The following GDPD4 variants were observed in gnomAD, a reference collection of about 807,000 sequenced individuals.
GDPD4 encodes glycerophosphodiester phosphodiesterase 6.
A neutral mutation model predicts 67.8 loss-of-function variants in GDPD4; 60 were observed. The ratio of observed to expected loss-of-function variants is 0.88; its 90% CI spans 0.72 to 1.10. GDPD4 has a LOEUF of 1.10. GDPD4 is among the 50% of genes least tolerant of loss of function. GDPD4 has a pLI of 0.00. For synonymous variants in GDPD4, 212 were observed against 210.9 expected (o/e 1.00, Z -0.04); for missense variants, 623 against 613.9 (o/e 1.01, Z -0.16).
At chr11:77,257,290 A>T (rs1959019767) in intron 11 of GDPD4, among the ~76,000 whole-genome samples, 1 of 152,208 alleles carries the variant, frequency 6.6e-6, no homozygotes, top group African/African-American at 2.4e-5. Context: ...TCCTAGTCAT[A>T]AAATAAGCTA....
At position 77,245,245 on chromosome 11, in the gene GDPD4, T is replaced by G. The variant is rs775004469; in HGVS notation, c.1086+36A>C. ...GTGCTCCTAGGACATGCTACCCACC[T>G]CCCAACCTATGTCATAAATACTGAG... On this transcript the variant is annotated intron_variant, in intron 12 of 16. Coordinates refer to ENST00000315938, the MANE Select transcript of GDPD4 (RefSeq NM_182833.3). The G allele has an allele frequency of 2.1e-5, 32 of 1,548,804 alleles. 2 individuals are homozygous for G. The highest frequency in any genetic ancestry group is 3.4e-4 in the Middle Eastern group (2 of 5,930).
At chr11:77,295,799 CAA>C (rs1937934316) in intron 1 of GDPD4, among the ~76,000 whole-genome samples, 1 of 152,238 alleles carries the variant, frequency 6.6e-6, no homozygotes, top group Admixed American at 6.5e-5. Context: ...TTCTAGTCTT[CAA>C]AAGACATTCC....
chr11:77,290,035 T>G (rs1457967041), intron 1 of GDPD4, among the ~76,000 whole-genome samples: 1 of 152,092 alleles, frequency 6.6e-6, no homozygotes, highest in Non-Finnish European at 1.5e-5. Flanking sequence ...GGTTCAGACA[T>G]CCAGATAGTG....
At chr11:77,297,060 C>CAAAA (rs538534637) in intron 1 of GDPD4, among the ~76,000 whole-genome samples, 1 of 116,618 alleles carries the variant, frequency 8.6e-6, no homozygotes. Context: ...TCAAAAAAAA[C>CAAAA]AAAAAAAAAA....
Position 77,233,148 on chromosome 11 carries a change from A to G in GDPD4, c.1266T>C (p.His422=). 1 of 1,614,000 alleles carries G rather than the reference A, an allele frequency of 6.2e-7. No individual in the cohort carries two copies. Among genetic ancestry groups the G allele is most frequent in the Non-Finnish European group, 8.5e-7 (1 of 1,179,870 alleles). Residue 422 remains histidine (H), a synonymous_variant, in exon 14 of 17, where the codon CAT becomes CAC. Coordinates refer to ENST00000315938, the MANE Select transcript of GDPD4 (RefSeq NM_182833.3). ...GLRDYKAANI[H]INVYTVNEPW... is the part of the protein sequence containing the mutation. ...GCTCATTGACGGTGTATACGTTGAT[A>G]TGGATGTTAGCTGCTTTATAATCTC... is the stretch of plus-strand genomic sequence containing the variant.
intron 13 of GDPD4, among the ~76,000 whole-genome samples, chr11:77,243,275 C>T (rs918527543): frequency 3.3e-5 from 5 of 152,058 alleles, no homozygotes; most frequent in South Asian, 2.1e-4. Flanking sequence ...CTTAATTATC[C>T]GTTCCAGAAA....
At chr11:77,242,113 A>G (rs1193250814) in intron 13 of GDPD4, among the ~76,000 whole-genome samples, 1 of 152,058 alleles carries the variant, frequency 6.6e-6, no homozygotes, top group African/African-American at 2.4e-5. Context: ...TTTGAGATCT[A>G]TTGCACAGCA....
At chr11:77,234,965 C>T (rs895356116) in intron 13 of GDPD4, among the ~76,000 whole-genome samples, 1 of 146,764 alleles carries the variant, frequency 6.8e-6, no homozygotes, top group African/African-American at 2.5e-5. Flanking sequence ...TTCCCACCAA[C>T]AGTGTCTAAG....
chr11:77,271,197 G>A lies in GDPD4; in HGVS notation c.333C>T (p.Val111=). The A allele has an allele frequency of 1.9e-6, 3 of 1,612,934 alleles. No homozygotes were observed. Among genetic ancestry groups the A allele is most frequent in the Non-Finnish European group, 2.5e-6 (3 of 1,179,678 alleles). ...AAAGGATAACCATCACAGTTATGCT[G>A]ACCAGGTGCACGTAGGGAGCAAAGA... The part of the protein sequence containing the change: ...MQIFAPYVHL[V]SITVMVILFW... The change falls in exon 7 of 17, where the codon GTC becomes GTT. Residue 111 remains valine (V), a synonymous_variant. Coordinates refer to ENST00000315938, the MANE Select transcript of GDPD4 (RefSeq NM_182833.3).
chr11:77,268,929 G>C lies in GDPD4; in HGVS notation c.619C>G (p.Pro207Ala). 1 of 1,613,850 alleles carries C rather than the reference G, an allele frequency of 6.2e-7. No individual in the cohort carries two copies. ...TTCATCATGCTCAGACCTACCATGG[G>C]TGCACCTCTATGTCCAAAGATGGTT... The part of the protein sequence containing the change: ...KPTIFGHRGA[P>A]MLGPENTMMS... Residue 207 changes from proline (P) to alanine (A), a missense_variant, in exon 9 of 17, where the codon CCC becomes GCC. Pro to Ala is a conservative substitution (Grantham distance 27, BLOSUM62 -1). Transcript: ENST00000315938.
At chr11:77,263,411 A>T (rs1959157391) in intron 10 of GDPD4, among the ~76,000 whole-genome samples, 1 of 152,156 alleles carries the variant, frequency 6.6e-6, no homozygotes, top group Non-Finnish European at 1.5e-5. Flanking sequence ...GTTAAAGATC[A>T]TATTGTAAAC....
At chr11:77,297,369 C>T (rs1044428427) in intron 1 of GDPD4, among the ~76,000 whole-genome samples, 2 of 151,590 alleles carry the variant, frequency 1.3e-5, no homozygotes, top group African/African-American at 4.8e-5. Context: ...CCTATCTCTA[C>T]TAAAAAATAC....
Position 77,243,358 on chromosome 11 carries a change from G to A in GDPD4, c.1241+336C>T, listed in dbSNP as rs557136347. ...CTGGTAATGGTAGGAGGAAATAAAC[G>A]TTTTGAGTTCTGACTTTTCAACGTC... On this transcript the variant is annotated intron_variant, in intron 13 of 16. Transcript: ENST00000315938. Among the ~76,000 whole-genome samples, 3 of 152,248 alleles carry A rather than the reference G, an allele frequency of 2.0e-5. No homozygotes were observed. The East Asian group carries it at 5.8e-4, about 29-fold the overall frequency.
chr11:77,221,951 T>G (rs1241529412), intron 16 of GDPD4, among the ~76,000 whole-genome samples: 2 of 152,178 alleles, frequency 1.3e-5, no homozygotes, highest in Non-Finnish European at 2.9e-5. Flanking sequence ...GATAGTTAGC[T>G]CTTGTTGAAT....
intron 13 of GDPD4, among the ~76,000 whole-genome samples, chr11:77,235,051 T>A (rs1958534712): frequency 8.3e-6 from 1 of 120,608 alleles, no homozygotes; most frequent in Non-Finnish European, 1.6e-5. Flanking sequence ...TTTTTAGTAA[T>A]AGCCATTCTG....
chr11:77,285,171 C>T lies in GDPD4; in HGVS notation c.-34G>A, dbSNP rs745853374. The T allele has an allele frequency of 1.3e-6, 2 of 1,541,056 alleles. No individual in the cohort carries two copies. Among genetic ancestry groups the T allele is most frequent in the Non-Finnish European group, 9.0e-7 (1 of 1,116,646 alleles). ...AGACAAATGAAATTACCAGGCACGG[C>T]AAAATAATTGCTCTTTCTGGGAAAA... On this transcript the variant is annotated 5_prime_UTR_variant, in exon 3 of 17. Coordinates refer to ENST00000315938, the MANE Select transcript of GDPD4 (RefSeq NM_182833.3).
chr11:77,229,046 G>T, intron 15 of GDPD4, 104 bp downstream of exon 15: 1 of 588,280 alleles, frequency 1.7e-6, no homozygotes, highest in Non-Finnish European at 3.0e-6. Flanking sequence ...ACGCCATCTT[G>T]CCATGTGGGA....
rs149583452 is a variant in GDPD4, at chr11:77,292,201, G to C, written c.-253-4781C>G. On this transcript the variant is annotated intron_variant, in intron 1 of 16. Transcript: ENST00000315938. ...ACAGACAAATCCAAAATTATAGTCAGAGATTTCAATACCCCTTTCTCAATA... is the reference window on the plus strand; with the variant it reads ...ACAGACAAATCCAAAATTATAGTCACAGATTTCAATACCCCTTTCTCAATA... Among the ~76,000 whole-genome samples, 774 of 151,824 alleles carry C rather than the reference G, an allele frequency of 5.1e-3. 4 individuals are homozygous for C. The highest frequency in any genetic ancestry group is 0.018 in the African/African-American group (738 of 41,430).
Position 77,269,770 on chromosome 11 carries a change from AGCCATTCCCCAAGACT to A in GDPD4, c.478+97_478+112del, listed in dbSNP as rs992637734. 4 of 618,046 alleles carry A rather than the reference AGCCATTCCCCAAGACT, an allele frequency of 6.5e-6. No individual in the cohort carries two copies. The African/African-American group carries it at 7.4e-5, about 11-fold the overall frequency. 38.3% of individuals were successfully genotyped at this position (618,046 alleles called of 1,614,324 possible). On this transcript the variant is annotated intron_variant, in intron 8 of 16. Coordinates refer to ENST00000315938, the MANE Select transcript of GDPD4 (RefSeq NM_182833.3). ...CCTGTACACAATGCCTGCGATAACC[AGCCATTCCCCAAGACT>A]TACTATTTTAGACCTCTGGGAATTT...
Sources: allele counts gnomAD v4.1 joint callset (sites outside exome capture counted in the v4.1 genomes callset), GRCh38; gene constraint gnomAD v4.1.1; transcripts MANE v1.5; gene names NCBI Gene and HGNC (gene_info 2026-07-23, HGNC 2026-07-21).